Variants in ARHGEF3 observed in about 807,000 individuals in gnomAD.
ARHGEF3 encodes 59.8 kDA protein.
A neutral mutation model predicts 63.2 loss-of-function variants in ARHGEF3; 28 were observed. The ratio of observed to expected loss-of-function variants is 0.44; its 90% CI spans 0.33 to 0.61. The LOEUF is 0.61. Among genes scored for constraint, ARHGEF3 ranks in the 20% least tolerant of loss-of-function variants. ARHGEF3 has a pLI of 0.03. For missense variants in ARHGEF3, 533 were observed against 659.3 expected, an observed-to-expected ratio of 0.81 and a Z score of 2.10; for synonymous variants, 266 against 254.2, an observed-to-expected ratio of 1.05 and a Z score of -0.44.
At chr3:57,055,163 C>CT (rs71623876) in intron 1 of ARHGEF3, among the ~76,000 whole-genome samples, 29,286 of 135,172 alleles carry the variant, frequency 0.22, 3,425 homozygotes, top group Non-Finnish European at 0.28. Flanking sequence ...TCTCTTTATG[C>CT]TTTTTTTTTT....
At chr3:56,853,266 C>T (rs1361748397) in intron 4 of ARHGEF3, among the ~76,000 whole-genome samples, 1 of 151,980 alleles carries the variant, frequency 6.6e-6, no homozygotes, top group Non-Finnish European at 1.5e-5. Flanking sequence ...AGGAAGCTCA[C>T]ATCTTCCACA....
chr3:57,018,767 G>A (rs1703125518), intron 2 of ARHGEF3, among the ~76,000 whole-genome samples: 1 of 152,150 alleles, frequency 6.6e-6, no homozygotes, highest in Non-Finnish European at 1.5e-5. Flanking sequence ...TGCTGAGCAT[G>A]TGACATGTAT....
intron 2 of ARHGEF3, among the ~76,000 whole-genome samples, chr3:57,014,676 CTTG>C (rs113058945): frequency 3.7e-5 from 5 of 134,732 alleles, no homozygotes; most frequent in African/African-American, 7.7e-5. Flanking sequence ...ATTTATAAAG[CTTG>C]TTAACTTTTT....
chr3:57,049,330 C>T (rs558126379), intron 1 of ARHGEF3, among the ~76,000 whole-genome samples: 68 of 152,280 alleles, frequency 4.5e-4, no homozygotes, highest in African/African-American at 1.6e-3. Flanking sequence ...GATTGGGCCA[C>T]TGCACTCCAG....
At chr3:56,969,131 A>T (rs1032073834) in intron 2 of ARHGEF3, among the ~76,000 whole-genome samples, 1 of 148,358 alleles carries the variant, frequency 6.7e-6, no homozygotes, top group African/African-American at 2.5e-5. Context: ...TTTAGGTCAC[A>T]AATGTATAAA....
chr3:57,015,002 T>C (rs1480576656), intron 2 of ARHGEF3, among the ~76,000 whole-genome samples: 3 of 151,498 alleles, frequency 2.0e-5, no homozygotes, highest in African/African-American at 4.8e-5. Context: ...GTTAACTTTT[T>C]TCATGTACTT....
At chr3:56,776,807 C>T (rs1351624030) in intron 1 of ARHGEF3, among the ~76,000 whole-genome samples, 1 of 152,126 alleles carries the variant, frequency 6.6e-6, no homozygotes, top group Non-Finnish European at 1.5e-5. Context: ...GCTGCCAGAC[C>T]AAGCTGGGCA....
At chr3:56,823,955 A>T (rs2038613073) in intron 4 of ARHGEF3, among the ~76,000 whole-genome samples, 1 of 149,412 alleles carries the variant, frequency 6.7e-6, no homozygotes, top group South Asian at 2.2e-4. Context: ...CCTTTAAAAA[A>T]CTAAACAAAG....
intron 1 of ARHGEF3, among the ~76,000 whole-genome samples, chr3:57,059,077 C>T (rs528187925): frequency 9.2e-5 from 14 of 151,824 alleles, no homozygotes; most frequent in Middle Eastern, 3.5e-3. Context: ...GCCAACATGG[C>T]ACATGTATAG....
rs147421061 is a variant in ARHGEF3 at position 56,990,479 on chromosome 3, G to A, written c.63-31590C>T. On this transcript the variant is annotated intron_variant, in intron 2 of 12. Transcript: ENST00000338458. ...TGCACGTGTAATCCCAGATACACTC[G>A]GGAGGCTGAGGCAGGAGAATCACTT... is the stretch of plus-strand genomic sequence containing the variant. Among the ~76,000 whole-genome samples the A allele has an allele frequency of 3.6e-3, 544 of 152,282 alleles. 12 individuals carry two copies. In the East Asian group the frequency reaches 0.05, roughly 14 times the overall value.
intron 3 of ARHGEF3, chr3:56,940,626 A>G (rs1187654069): frequency 1.3e-5 from 2 of 152,166 alleles, no homozygotes; most frequent in East Asian, 3.9e-4. Flanking sequence ...CTGAAGGGAA[A>G]TGAGACAAGC....
At chr3:57,065,638 T>C (rs1337924474) in intron 1 of ARHGEF3, among the ~76,000 whole-genome samples, 1 of 152,150 alleles carries the variant, frequency 6.6e-6, no homozygotes, top group Non-Finnish European at 1.5e-5. Flanking sequence ...ATAAAAGCTA[T>C]AATAAATGTT....
chr3:56,955,823 G>A (rs1331183077), intron 3 of ARHGEF3, among the ~76,000 whole-genome samples: 1 of 152,210 alleles, frequency 6.6e-6, no homozygotes, highest in African/African-American at 2.4e-5. Context: ...ATTACAAAGT[G>A]TGTCCTGGCT....
intron 2 of ARHGEF3, among the ~76,000 whole-genome samples, chr3:56,986,352 T>G (rs6773204): frequency 0.22 from 33,151 of 152,174 alleles, 3,847 homozygotes; most frequent in Middle Eastern, 0.38. Flanking sequence ...TGAAGGCAGC[T>G]CATCCCTCAC....
rs78282309 is a variant in ARHGEF3, at chr3:56,976,916, G to A, written c.63-18027C>T. Among the ~76,000 whole-genome samples, 659 of 152,244 alleles carry A rather than the reference G, an allele frequency of 4.3e-3. 4 individuals are homozygous for A. Among genetic ancestry groups the A allele is most frequent in the African/African-American group, 0.015 (610 of 41,546 alleles). ...ATGCTGAATCCTGGCAGACCTCAATGACGGCTAAAAAAAGGGAGTGGCGGG... is the reference window on the plus strand; with the variant it reads ...ATGCTGAATCCTGGCAGACCTCAATAACGGCTAAAAAAAGGGAGTGGCGGG... On this transcript the variant is annotated intron_variant, in intron 2 of 12. Transcript: ENST00000338458.
chr3:56,786,903 TAA>T (rs35623334), intron 1 of ARHGEF3, among the ~76,000 whole-genome samples: 6 of 143,472 alleles, frequency 4.2e-5, no homozygotes, highest in Admixed American at 1.4e-4. Flanking sequence ...TGGGTTTTGT[TAA>T]AAAAAAAAAA....
chr3:57,015,525 C>T (rs1579094829), intron 2 of ARHGEF3, among the ~76,000 whole-genome samples: 2 of 150,112 alleles, frequency 1.3e-5, no homozygotes, highest in East Asian at 4.0e-4. Flanking sequence ...CCTCAACATT[C>T]TGGGCTCAAG....
chr3:56,751,622 AGC>A (rs2034750504), intron 4 of ARHGEF3, among the ~76,000 whole-genome samples: 1 of 152,214 alleles, frequency 6.6e-6, no homozygotes, highest in Non-Finnish European at 1.5e-5. Context: ...ATTTTTCAAA[AGC>A]TTTTTTATTC....
At chr3:56,885,872 C>T (rs2040907251) in intron 3 of ARHGEF3, among the ~76,000 whole-genome samples, 1 of 152,122 alleles carries the variant, frequency 6.6e-6, no homozygotes, top group African/African-American at 2.4e-5. Context: ...TGACCACTGC[C>T]AGCAACAAAA....
Sources: gnomAD v4.1 joint callset for allele counts (sites outside exome capture counted in the v4.1 genomes callset) on GRCh38, gnomAD v4.1.1 for gene constraint, MANE v1.5 for transcripts, NCBI Gene and HGNC (gene_info 2026-07-23, HGNC 2026-07-21) for gene names.